FNDC3A: variants seen among roughly 807,000 people sequenced by gnomAD.
FNDC3A encodes fibronectin type-III domain-containing protein 3A.
FNDC3A carries 32 observed loss-of-function variants against 148.9 expected under a neutral mutation model. The ratio of observed to expected loss-of-function variants is 0.21; its 90% CI spans 0.16 to 0.29. The LOEUF (loss-of-function observed/expected upper bound fraction) is 0.29, where lower values mean the gene tolerates loss of function less well. Among genes scored for constraint, FNDC3A ranks in the 10% least tolerant of loss-of-function variants. FNDC3A has a pLI of 1.00. For synonymous variants in FNDC3A, 472 were observed against 473.6 expected, an observed-to-expected ratio of 1.00 and a Z score of 0.04; for missense variants, 1,191 against 1,452.8, an observed-to-expected ratio of 0.82 and a Z score of 2.93.
At chr13:49,035,816 T>C (rs1204110560) in intron 2 of FNDC3A, among the ~76,000 whole-genome samples, 1 of 152,124 alleles carries the variant, frequency 6.6e-6, no homozygotes, top group Non-Finnish European at 1.5e-5. Flanking sequence ...CAGTTGTTTG[T>C]CTATATGCTG....
intron 4 of FNDC3A, among the ~76,000 whole-genome samples, chr13:49,129,357 G>A (rs1388748030): frequency 1.3e-5 from 2 of 152,218 alleles, no homozygotes; most frequent in Non-Finnish European, 2.9e-5. Flanking sequence ...GCAAAAGAAC[G>A]ATACAACTTA....
At chr13:48,978,599 T>C (rs1378246773) in intron 1 of FNDC3A, among the ~76,000 whole-genome samples, 1 of 152,128 alleles carries the variant, frequency 6.6e-6, no homozygotes, top group African/African-American at 2.4e-5. Flanking sequence ...GATATGCACA[T>C]GATTTCCAAT....
chr13:49,024,409 A>G (rs1320662751), intron 2 of FNDC3A, among the ~76,000 whole-genome samples: 1 of 151,982 alleles, frequency 6.6e-6, no homozygotes, highest in Non-Finnish European at 1.5e-5. Flanking sequence ...GAAACTGTAC[A>G]AGGACACAAC....
chr13:49,112,800 G>A (rs1880660119), intron 3 of FNDC3A, among the ~76,000 whole-genome samples: 1 of 151,976 alleles, frequency 6.6e-6, no homozygotes, highest in South Asian at 2.1e-4. Context: ...ATTATGAGGA[G>A]AAAAAATATG....
At chr13:49,161,875 T>C (rs1593686831) in intron 8 of FNDC3A, among the ~76,000 whole-genome samples, 1 of 152,192 alleles carries the variant, frequency 6.6e-6, no homozygotes, top group East Asian at 1.9e-4. Context: ...CTTATGAAGC[T>C]TAGTTTGGCT....
At chr13:49,008,703 A>G (rs1477122668) in intron 2 of FNDC3A, among the ~76,000 whole-genome samples, 2 of 152,184 alleles carry the variant, frequency 1.3e-5, no homozygotes, top group Non-Finnish European at 2.9e-5. Context: ...GAATCATAAT[A>G]GAGGGAATTG....
intron 3 of FNDC3A, among the ~76,000 whole-genome samples, chr13:49,083,668 G>A (rs190046785): frequency 3.3e-5 from 5 of 152,220 alleles, no homozygotes; most frequent in South Asian, 4.1e-4. Context: ...TGATCCACCC[G>A]CCTCGGCCTC....
At position 49,168,641 on chromosome 13, in the gene FNDC3A, G is replaced by A; in HGVS notation, c.1066G>A (p.Gly356Arg). ...KVQAEYNSIK[G>R]TPSEAEIFTT... is the part of the protein sequence containing the mutation. Reference sequence around the variant, plus strand: ...CCAGGCAGAATATAATTCTATAAAGGGAACTCCTTCAGAGGCTGAAATCTT... The same window carrying A: ...CCAGGCAGAATATAATTCTATAAAGAGAACTCCTTCAGAGGCTGAAATCTT... The change falls in exon 10 of 26, where the codon GGA (glycine) becomes AGA (arginine). Residue 356 changes from glycine to arginine, a missense_variant. Gly to Arg is a moderately radical substitution (Grantham distance 125). Around this residue, in one of 3 missense-constraint regions of FNDC3A, gnomAD observed 426 missense variants for 473.2 expected, o/e 0.90. Coordinates refer to ENST00000492622, the MANE Select transcript of FNDC3A (RefSeq NM_001079673.2). 6.2e-7 allele frequency: 1 copy of A among 1,610,646 alleles called. No homozygotes were observed. Among genetic ancestry groups the A allele is most frequent in the South Asian group, 1.1e-5 (1 of 91,002 alleles).
rs139456853 is a variant in FNDC3A at position 48,996,631 on chromosome 13, T to G, written c.-39-9521T>G. ...GCTTAAGGTTTTGTGGATTTTGGCA[T>G]CTTTGGGGATCCTGGAATCAATCCC... On this transcript the variant is annotated intron_variant, in intron 1 of 25. Transcript: ENST00000492622. Among the ~76,000 whole-genome samples, 537 of 152,338 alleles carry G rather than the reference T, an allele frequency of 3.5e-3. 2 individuals carry two copies. Among genetic ancestry groups the G allele is most frequent in the South Asian group, 0.014 (69 of 4,834 alleles).
At chr13:49,143,461 G>A (rs1033184811) in intron 7 of FNDC3A, among the ~76,000 whole-genome samples, 2 of 151,782 alleles carry the variant, frequency 1.3e-5, no homozygotes, top group African/African-American at 4.8e-5. Flanking sequence ...ATAGTATTCT[G>A]GAAGTCTGTT....
At chr13:49,145,610 T>C (rs1882947830) in intron 7 of FNDC3A, among the ~76,000 whole-genome samples, 168 bp from the exon 8 acceptor site, 1 of 152,214 alleles carries the variant, frequency 6.6e-6, no homozygotes, top group Non-Finnish European at 1.5e-5. Context: ...TCATTTGTTG[T>C]GGAACCCACA....
In FNDC3A at chr13:49,188,499, A is replaced by G; in HGVS notation, c.1826-16A>G. 1 of 1,526,112 alleles carries G rather than the reference A, an allele frequency of 6.6e-7. No individual in the cohort carries two copies. Among genetic ancestry groups the G allele is most frequent in the South Asian group, 1.1e-5 (1 of 89,222 alleles). 94.5% of individuals were successfully genotyped at this position (1,526,112 alleles called of 1,614,324 possible). On this transcript the variant is annotated splice_polypyrimidine_tract_variant and intron_variant, in intron 16 of 25. Coordinates refer to ENST00000492622, the MANE Select transcript of FNDC3A (RefSeq NM_001079673.2). ...ATTACCTAGTATCTGATTGAACACAATTCCTCACCTTACAGGAAACAAATG... is the reference window on the plus strand; with the variant it reads ...ATTACCTAGTATCTGATTGAACACAGTTCCTCACCTTACAGGAAACAAATG...
At chr13:49,070,676 A>C (rs904866829) in intron 2 of FNDC3A, among the ~76,000 whole-genome samples, 1 of 152,048 alleles carries the variant, frequency 6.6e-6, no homozygotes, top group Non-Finnish European at 1.5e-5. Context: ...GTAATTTTGT[A>C]CCTATTAACT....
chr13:49,208,733 CA>C lies in FNDC3A; in HGVS notation c.*1339del, dbSNP rs1172229442. On this transcript the variant is annotated 3_prime_UTR_variant, in exon 26 of 26. Transcript: ENST00000492622. ...ACTATCTACAATTCTTGTTTTAGCA[CA>C]TCTGTTATCCGTAAAACACCTGTAA... 1 of 152,578 alleles carries C rather than the reference CA, an allele frequency of 6.6e-6. No homozygotes were observed. Among genetic ancestry groups the C allele is most frequent in the Non-Finnish European group, 1.5e-5 (1 of 68,018 alleles). 9.5% of individuals were successfully genotyped at this position (152,578 alleles called of 1,614,324 possible).
chr13:49,198,068 T>G lies in FNDC3A; in HGVS notation c.2577T>G (p.Leu859=). ...PPSVPGIVTC[L]QEISDDEIEN... ...CAGTTCCTGGCATTGTGACCTGTCT[T>G]CAAGAAATAAGCGATGATGAGATAG... The change falls in exon 22 of 26, where the codon CTT becomes CTG. Residue 859 remains leucine (L), a synonymous_variant. Transcript: ENST00000492622. 6.2e-7 allele frequency: 1 copy of G among 1,614,194 alleles called. No individual in the cohort carries two copies. Among genetic ancestry groups the G allele is most frequent in the African/African-American group, 1.3e-5 (1 of 75,048 alleles).
intron 25 of FNDC3A, among the ~76,000 whole-genome samples, chr13:49,204,913 C>T (rs1422167128): frequency 1.3e-5 from 2 of 152,284 alleles, no homozygotes; most frequent in South Asian, 2.1e-4. Flanking sequence ...GTGTCATAGA[C>T]ACCAATATCA....
intron 2 of FNDC3A, among the ~76,000 whole-genome samples, chr13:49,056,891 G>A (rs746755540): frequency 3.3e-5 from 5 of 152,054 alleles, no homozygotes; most frequent in Non-Finnish European, 7.4e-5. Context: ...CTAAAACCTT[G>A]TTATCTGATT....
At chr13:49,043,464 C>G (rs572991102) in intron 2 of FNDC3A, among the ~76,000 whole-genome samples, 1 of 152,194 alleles carries the variant, frequency 6.6e-6, no homozygotes, top group South Asian at 2.1e-4. Context: ...GTGCAGTGTT[C>G]TTTCCGAGAC....
intron 6 of FNDC3A, among the ~76,000 whole-genome samples, chr13:49,137,305 C>G (rs892855245): frequency 6.6e-6 from 1 of 152,018 alleles, no homozygotes; most frequent in African/African-American, 2.4e-5. Flanking sequence ...TTCCCCTAAC[C>G]TCTGACTTCT....
Sources: allele counts gnomAD v4.1 joint callset (sites outside exome capture counted in the v4.1 genomes callset), GRCh38; gene constraint gnomAD v4.1.1; regional missense constraint gnomAD v4.1.1; transcripts MANE v1.5; gene names NCBI Gene and HGNC (gene_info 2026-07-23, HGNC 2026-07-21).